IRAG1: variants seen among roughly 807,000 people sequenced by gnomAD.
IRAG1 encodes the protein IP3R-associated cGMP kinase substrate.
A neutral mutation model predicts 106.2 loss-of-function variants in IRAG1; 62 were observed. The ratio of observed to expected loss-of-function variants is 0.58; its 90% CI spans 0.48 to 0.72. The LOEUF is 0.72. Among genes scored for constraint, IRAG1 ranks in the 30% least tolerant of loss-of-function variants. The probability of loss-of-function intolerance (pLI) is 0.00; values close to 1 mark genes in which losing one functional copy is unlikely to be tolerated. For synonymous variants in IRAG1, 462 were observed against 443.9 expected (o/e 1.04, Z -0.51); for missense variants, 1,064 against 1,140.7 (o/e 0.93, Z 0.97).
At chr11:10,586,507 T>C (rs1372320980) in intron 18 of IRAG1, among the ~76,000 whole-genome samples, 2 of 149,380 alleles carry the variant, frequency 1.3e-5, no homozygotes, top group Admixed American at 1.4e-4. Context: ...AACCTCCACC[T>C]CCCAGGTTCA....
At chr11:10,616,975 A>G in intron 10 of IRAG1, 2 of 962,494 alleles carry the variant, frequency 2.1e-6, no homozygotes, top group Non-Finnish European at 2.5e-6. Flanking sequence ...GCTCTGAAAG[A>G]TGCTCTGAGT....
rs561087947 is a variant in IRAG1, at chr11:10,634,585, C to T, written c.226-514G>A. Among the ~76,000 whole-genome samples, 5 of 152,326 alleles carry T rather than the reference C, an allele frequency of 3.3e-5. No homozygotes were observed. The South Asian group carries it at 1.0e-3, about 32-fold the overall frequency. On this transcript the variant is annotated intron_variant, in intron 2 of 20. Transcript: ENST00000423302. Reference sequence around the variant, plus strand: ...CCAGTCACTGGCAACCACCATTCTACTCTCTGTTTCTGCAAGTTTGACCTT... The same window carrying T: ...CCAGTCACTGGCAACCACCATTCTATTCTCTGTTTCTGCAAGTTTGACCTT...
intron 1 of IRAG1, among the ~76,000 whole-genome samples, chr11:10,683,399 A>G (rs573759037): frequency 8.5e-5 from 13 of 152,146 alleles, no homozygotes; most frequent in African/African-American, 3.1e-4. Flanking sequence ...TACTTCTACT[A>G]ATAAAGCTAA....
chr11:10,651,845 A>C (rs997008121), intron 2 of IRAG1, among the ~76,000 whole-genome samples, 180 bp downstream of exon 2: 5 of 152,228 alleles, frequency 3.3e-5, no homozygotes, highest in African/African-American at 9.6e-5. Context: ...CGGTCAATTC[A>C]AACCAACTCA....
At chr11:10,625,895 C>T (rs1856204153) in intron 9 of IRAG1, 71 bp downstream of exon 9, 1 of 1,307,588 alleles carries the variant, frequency 7.6e-7, no homozygotes, top group South Asian at 2.9e-5. Flanking sequence ...GGCCCAGACT[C>T]AGCCCTGAGG....
At chr11:10,581,652 G>A (rs1362684322) in intron 19 of IRAG1, among the ~76,000 whole-genome samples, 1 of 152,056 alleles carries the variant, frequency 6.6e-6, no homozygotes. Context: ...AAAGAGGGCA[G>A]TCTTGTTATT....
At chr11:10,614,439 T>G (rs1855228446) in intron 10 of IRAG1, among the ~76,000 whole-genome samples, 1 of 152,240 alleles carries the variant, frequency 6.6e-6, no homozygotes, top group African/African-American at 2.4e-5. Context: ...TTGGAAAAAA[T>G]ACTTTAAAGT....
At position 10,689,996 on chromosome 11, in the gene IRAG1, A is replaced by G. The variant is rs185912814; in HGVS notation, c.67+3540T>C. On this transcript the variant is annotated intron_variant, in intron 1 of 20. Transcript: ENST00000423302. ...TTTTTTCTAGAAAAAACTGAATAGA[A>G]ATTACAAATTACAAATAAAAAAGTA... Among the ~76,000 whole-genome samples the G allele has an allele frequency of 2.3e-4, 35 of 152,352 alleles. No homozygotes were observed. In the South Asian group the frequency reaches 5.8e-3, roughly 25 times the overall value.
At chr11:10,635,137 CCCTGAGGTT>C (rs1433953226) in intron 2 of IRAG1, among the ~76,000 whole-genome samples, 1 of 152,188 alleles carries the variant, frequency 6.6e-6, no homozygotes, top group Non-Finnish European at 1.5e-5. Flanking sequence ...ACCCACACAC[CCCTGAGGTT>C]CCACGACAGT....
chr11:10,633,080 T>C lies in IRAG1; in HGVS notation c.329+888A>G, dbSNP rs961926257. ...CCTTTTCTTTTTCTTTCTTTCTTTT[T>C]TTTTTTTTTTTTGAGACGGAGTCTC... On this transcript the variant is annotated intron_variant, in intron 3 of 20. Transcript: ENST00000423302. 3.0e-3 allele frequency among the ~76,000 whole-genome samples: 448 copies of C among 148,926 alleles called. 8 individuals carry two copies. In the East Asian group the frequency reaches 0.039, roughly 13 times the overall value.
At chr11:10,615,646 G>A (rs1427558899) in intron 10 of IRAG1, among the ~76,000 whole-genome samples, 2 of 152,054 alleles carry the variant, frequency 1.3e-5, no homozygotes, top group Non-Finnish European at 2.9e-5. Context: ...CATGGATGAA[G>A]CTGGAAACCA....
intron 7 of IRAG1, 38 bp from the exon 8 acceptor site, chr11:10,627,798 G>A (rs754484392): frequency 6.2e-6 from 10 of 1,613,300 alleles, no homozygotes; most frequent in Admixed American, 1.7e-5. Context: ...TCAGCAATGG[G>A]AAGAGACCGT....
intron 1 of IRAG1, among the ~76,000 whole-genome samples, chr11:10,668,592 T>C (rs1036070225): frequency 6.6e-6 from 1 of 152,252 alleles, no homozygotes; most frequent in Non-Finnish European, 1.5e-5. Flanking sequence ...CTCTGACTTA[T>C]AAAGCCGAAA....
rs1856552323 is a variant in IRAG1, at chr11:10,629,854, T to C, written c.401-143A>G. 1.1e-5 allele frequency: 9 copies of C among 795,342 alleles called. No homozygotes were observed. In the Admixed American group the frequency reaches 1.4e-4, roughly 12 times the overall value. The allele number at this position is 795,342 out of a possible 1,614,324, so 49.3% of individuals were successfully genotyped here. A position where few individuals can be genotyped will look rare whatever the true frequency, so the allele number is the denominator to read the frequency against. On this transcript the variant is annotated intron_variant, in intron 4 of 20. Transcript: ENST00000423302. Reference sequence around the variant, plus strand: ...CCTCAGCCCAGTGCCATCAAGAGGGTTGCATGGGGACAGACAGTGGCTTCC... The same window carrying C: ...CCTCAGCCCAGTGCCATCAAGAGGGCTGCATGGGGACAGACAGTGGCTTCC...
Position 10,665,313 on chromosome 11 carries a change from C to G in IRAG1, c.68-13131G>C, listed in dbSNP as rs541658801. On this transcript the variant is annotated intron_variant, in intron 1 of 20. Coordinates refer to ENST00000423302, the MANE Select transcript of IRAG1 (RefSeq NM_130385.4). The surrounding 1 kb of genome is among the most constrained non-coding windows in gnomAD (Gnocchi z 4.2). ...CAGCATCTGGCCAGAAACCCCAGCC[C>G]AAACACAGAACCTTCTCCCACCTCT... Among the ~76,000 whole-genome samples, 2 of 152,216 alleles carry G rather than the reference C, an allele frequency of 1.3e-5. No individual in the cohort carries two copies. Among genetic ancestry groups the G allele is most frequent in the Admixed American group, 1.3e-4 (2 of 15,286 alleles).
intron 1 of IRAG1, among the ~76,000 whole-genome samples, chr11:10,680,532 G>GGAAGA (rs1564942937): frequency 3.5e-4 from 31 of 89,530 alleles, no homozygotes; most frequent in East Asian, 1.7e-3. Context: ...AGAAAGGAAG[G>GGAAGA]AAGGAAGGGG....
intron 1 of IRAG1, among the ~76,000 whole-genome samples, chr11:10,654,536 A>C (rs1858773886): frequency 6.6e-6 from 1 of 152,158 alleles, no homozygotes; most frequent in African/African-American, 2.4e-5. Context: ...TCACTGCCAA[A>C]ATTTTACACC....
intron 1 of IRAG1, among the ~76,000 whole-genome samples, chr11:10,679,944 G>A (rs895207657): frequency 5.9e-5 from 9 of 152,226 alleles, no homozygotes; most frequent in South Asian, 4.1e-4. Context: ...ACCATGAAAC[G>A]TTTTTCCAAG....
intron 4 of IRAG1, 92 bp from the exon 5 acceptor site, chr11:10,629,803 G>C: frequency 7.4e-7 from 1 of 1,359,982 alleles, no homozygotes; most frequent in South Asian, 1.4e-5. Context: ...CAGGGACTCT[G>C]CCCACAGCTG....
Sources: allele counts gnomAD v4.1 joint callset (sites outside exome capture counted in the v4.1 genomes callset), GRCh38; gene constraint gnomAD v4.1.1; non-coding constraint Gnocchi (gnomAD v3.1); transcripts MANE v1.5; gene names NCBI Gene and HGNC (gene_info 2026-07-23, HGNC 2026-07-21).